The following LRBA variants were observed in gnomAD, a reference collection of about 807,000 sequenced individuals.
The protein encoded by LRBA is LPS responsive beige-like anchor protein.
In LRBA, 176 loss-of-function variants were observed where a neutral mutation model predicts 330.0. The observed-to-expected ratio is 0.53, with a 90% CI of 0.47 to 0.60. The LOEUF (loss-of-function observed/expected upper bound fraction) is 0.60, where lower values mean the gene tolerates loss of function less well. Ranked by LOEUF, LRBA falls within the 20% of genes least tolerant of loss-of-function variation. The pLI is 0.00. For missense variants in LRBA, 3,259 were observed against 3,444.8 expected (o/e 0.95, Z 1.35); for synonymous variants, 1,230 against 1,193.0 (o/e 1.03, Z -0.64).
At chr4:150,474,050 T>C (rs1011806462) in intron 42 of LRBA, among the ~76,000 whole-genome samples, 1 of 152,180 alleles carries the variant, frequency 6.6e-6, no homozygotes, top group Non-Finnish European at 1.5e-5. Context: ...ACTGTTTGCC[T>C]TTCCCAACAT....
intron 44 of LRBA, among the ~76,000 whole-genome samples, chr4:150,437,419 T>C (rs1751255839): frequency 6.6e-6 from 1 of 150,954 alleles, no homozygotes; most frequent in South Asian, 2.1e-4. Flanking sequence ...CCTATATGTC[T>C]ATATAGGATA....
At chr4:150,950,938 T>A (rs1185717400) in intron 2 of LRBA, among the ~76,000 whole-genome samples, 2 of 152,128 alleles carry the variant, frequency 1.3e-5, no homozygotes, top group Non-Finnish European at 2.9e-5. Context: ...TTACCAAGAC[T>A]GTTTTTTAAT....
chr4:150,699,044 A>C (rs1784881053), intron 36 of LRBA, among the ~76,000 whole-genome samples: 1 of 152,198 alleles, frequency 6.6e-6, no homozygotes, highest in African/African-American at 2.4e-5. Context: ...TTCCTTAAAA[A>C]AATTTGATGG....
rs115545269 is a variant in LRBA at position 150,747,307 on chromosome 4, G to A, written c.5646-11941C>T. On this transcript the variant is annotated intron_variant, in intron 35 of 56. Coordinates refer to ENST00000651943, the MANE Select transcript of LRBA (RefSeq NM_001364905.1). ...TCCACAGAAGTAATCCCCTACCAACGTGTATCAGTCTCTTCTTTAGTACTT... is the reference window on the plus strand; with the variant it reads ...TCCACAGAAGTAATCCCCTACCAACATGTATCAGTCTCTTCTTTAGTACTT... Among the ~76,000 whole-genome samples the A allele has an allele frequency of 6.7e-3, 1,026 of 152,244 alleles. 7 individuals are homozygous for A. The highest frequency in any genetic ancestry group is 0.016 in the African/African-American group (684 of 41,530).
intron 40 of LRBA, among the ~76,000 whole-genome samples, chr4:150,548,258 C>T (rs1397504968): frequency 6.6e-6 from 1 of 152,150 alleles, no homozygotes; most frequent in African/African-American, 2.4e-5. Flanking sequence ...CATCCCCAAA[C>T]CACTCTTTGT....
At chr4:150,781,624 A>G (rs75332848) in intron 34 of LRBA, among the ~76,000 whole-genome samples, 2,220 of 152,352 alleles carry the variant, frequency 0.015, 52 homozygotes, top group African/African-American at 0.05. Context: ...CTGAAATAAT[A>G]AATGATGAAA....
intron 40 of LRBA, among the ~76,000 whole-genome samples, chr4:150,587,384 C>A (rs1157345978): frequency 6.6e-6 from 1 of 152,160 alleles, no homozygotes; most frequent in Non-Finnish European, 1.5e-5. Context: ...TGTTTCCTCT[C>A]AGAGCAAATT....
At chr4:150,679,947 T>C (rs1277184751) in intron 37 of LRBA, among the ~76,000 whole-genome samples, 1 of 152,164 alleles carries the variant, frequency 6.6e-6, no homozygotes, top group African/African-American at 2.4e-5. Flanking sequence ...AAGGGTAGTA[T>C]GTCCTCTGAG....
chr4:150,357,784 T>C (rs1418944645), intron 47 of LRBA, among the ~76,000 whole-genome samples: 1 of 151,992 alleles, frequency 6.6e-6, no homozygotes, highest in Admixed American at 6.6e-5. Context: ...CAGTGATATA[T>C]ATGCAGCAAG....
At chr4:150,298,128 AAGAC>A (rs1256132346) in intron 53 of LRBA, among the ~76,000 whole-genome samples, 1 of 152,120 alleles carries the variant, frequency 6.6e-6, no homozygotes, top group African/African-American at 2.4e-5. Context: ...AAATTTTGGC[AAGAC>A]AAAGAATAAG....
intron 40 of LRBA, among the ~76,000 whole-genome samples, chr4:150,575,726 A>G (rs1294255093): frequency 6.6e-6 from 1 of 151,958 alleles, no homozygotes; most frequent in African/African-American, 2.4e-5. Flanking sequence ...CACTGATCAC[A>G]AGAGAAAGTA....
At chr4:150,983,865 T>C (rs1030447547) in intron 2 of LRBA, among the ~76,000 whole-genome samples, 3 of 152,202 alleles carry the variant, frequency 2.0e-5, no homozygotes, top group African/African-American at 7.2e-5. Flanking sequence ...AAAGAAGAGT[T>C]GTATGGTCAT....
intron 48 of LRBA, among the ~76,000 whole-genome samples, chr4:150,338,995 A>AC (rs70937334): frequency 1.3e-5 from 2 of 150,724 alleles, no homozygotes; most frequent in African/African-American, 4.9e-5. Context: ...ACACACACAC[A>AC]AGTAGTGAAC....
intron 37 of LRBA, among the ~76,000 whole-genome samples, chr4:150,643,584 C>G (rs763644275): frequency 6.6e-6 from 1 of 151,910 alleles, no homozygotes; most frequent in Non-Finnish European, 1.5e-5. Context: ...GGTATGTTTA[C>G]TCAAGTAATA....
rs369787312 is a variant in LRBA at position 150,616,938 on chromosome 4, A to T, written c.5922-17807T>A. Reference sequence around the variant, plus strand: ...TAGAGAAATATAATTTGAAAAGATAAAAAGTCAAAATCACAAAGCCTGCAA... The same window carrying T: ...TAGAGAAATATAATTTGAAAAGATATAAAGTCAAAATCACAAAGCCTGCAA... On this transcript the variant is annotated intron_variant, in intron 37 of 56. Transcript: ENST00000651943. 7.2e-5 allele frequency among the ~76,000 whole-genome samples: 11 copies of T among 152,372 alleles called. No individual in the cohort carries two copies. In the East Asian group the frequency reaches 1.5e-3, roughly 21 times the overall value.
intron 9 of LRBA, 63 bp downstream of exon 9, chr4:150,914,132 A>G: frequency 7.3e-7 from 1 of 1,374,080 alleles, no homozygotes. Flanking sequence ...CTCTCCATGT[A>G]TAACCCACCT....
At chr4:150,610,454 T>C (rs1432446961) in intron 37 of LRBA, among the ~76,000 whole-genome samples, 1 of 152,122 alleles carries the variant, frequency 6.6e-6, no homozygotes, top group African/African-American at 2.4e-5. Context: ...CTGGGCGTGG[T>C]GGTGTGTGCC....
intron 37 of LRBA, among the ~76,000 whole-genome samples, chr4:150,619,112 G>C (rs1021544547): frequency 6.6e-6 from 1 of 151,972 alleles, no homozygotes; most frequent in Non-Finnish European, 1.5e-5. Context: ...AGTTTAAAAA[G>C]AAAATAAAAT....
chr4:150,650,109 G>C (rs1433122395), intron 37 of LRBA, among the ~76,000 whole-genome samples: 2 of 152,076 alleles, frequency 1.3e-5, no homozygotes, highest in Non-Finnish European at 2.9e-5. Context: ...CCAATACTTG[G>C]TGAGGTTAAG....
Sources: gnomAD v4.1 joint callset for allele counts (sites outside exome capture counted in the v4.1 genomes callset) on GRCh38, gnomAD v4.1.1 for gene constraint, MANE v1.5 for transcripts, NCBI Gene and HGNC (gene_info 2026-07-23, HGNC 2026-07-21) for gene names.